DLGAP2: variants seen among roughly 807,000 people sequenced by gnomAD.
DLGAP2 encodes DLG associated protein 2.
DLGAP2 carries 26 observed loss-of-function variants against 100.3 expected under a neutral mutation model. That is an observed-to-expected ratio of 0.26 (90% CI 0.19 to 0.36). The LOEUF (loss-of-function observed/expected upper bound fraction) is 0.36, where lower values mean the gene tolerates loss of function less well. Among genes scored for constraint, DLGAP2 ranks in the 10% least tolerant of loss-of-function variants. DLGAP2 has a pLI of 1.00. For missense variants in DLGAP2, 1,858 were observed against 1,453.2 expected (o/e 1.28, Z -4.53); for synonymous variants, 886 against 630.1 (o/e 1.41, Z -6.08).
chr8:1,556,522 G>C (rs912355178), intron 5 of DLGAP2, among the ~76,000 whole-genome samples: 1 of 152,218 alleles, frequency 6.6e-6, no homozygotes. Flanking sequence ...TTCCCGCTGA[G>C]TCTGTGTCTC....
At chr8:1,471,802 A>G (rs184153683) in intron 3 of DLGAP2, among the ~76,000 whole-genome samples, 32 of 152,254 alleles carry the variant, frequency 2.1e-4, no homozygotes, top group Admixed American at 7.8e-4. Flanking sequence ...TTTGTGGCTA[A>G]AGCTGGGTGA....
chr8:1,034,584 T>A (rs1374193648), intron 2 of DLGAP2, among the ~76,000 whole-genome samples: 1 of 82,152 alleles, frequency 1.2e-5, no homozygotes, highest in Non-Finnish European at 2.4e-5. Context: ...CGACCCCGCG[T>A]GTCACCGCGA....
At chr8:967,990 C>T (rs1028164150) in intron 2 of DLGAP2, among the ~76,000 whole-genome samples, 1 of 150,418 alleles carries the variant, frequency 6.6e-6, no homozygotes, top group Admixed American at 6.6e-5. Context: ...TGTAGCTTCT[C>T]TCCTGATACA....
intron 10 of DLGAP2, among the ~76,000 whole-genome samples, chr8:1,671,426 C>T (rs907742258): frequency 2.0e-5 from 3 of 152,168 alleles, no homozygotes; most frequent in Non-Finnish European, 4.4e-5. Context: ...AATGTCATTC[C>T]TACAAATGAA....
chr8:1,325,276 C>CA, intron 3 of DLGAP2, among the ~76,000 whole-genome samples: 1 of 152,180 alleles, frequency 6.6e-6, no homozygotes, highest in East Asian at 1.9e-4. Flanking sequence ...ATGGTCTCAC[C>CA]AAGCTTTCTT....
chr8:911,294 C>CTGGAGAATCT (rs1339653410), intron 2 of DLGAP2, among the ~76,000 whole-genome samples: 1 of 152,204 alleles, frequency 6.6e-6, no homozygotes, highest in South Asian at 2.1e-4. Flanking sequence ...TGGAAGGATG[C>CTGGAGAATCT]TGGAGAATCT....
intron 2 of DLGAP2, among the ~76,000 whole-genome samples, chr8:1,046,604 C>T (rs1417873198): frequency 2.6e-5 from 4 of 152,214 alleles, no homozygotes; most frequent in East Asian, 1.9e-4. Context: ...ATCCCCATAA[C>T]CCAGATGCTG....
At chr8:1,378,878 G>A (rs567492453) in intron 3 of DLGAP2, among the ~76,000 whole-genome samples, 3 of 152,226 alleles carry the variant, frequency 2.0e-5, no homozygotes, top group East Asian at 1.9e-4. Flanking sequence ...TGTGGTCGGC[G>A]GGTTCAACAC....
intron 2 of DLGAP2, among the ~76,000 whole-genome samples, chr8:997,590 C>G (rs1415538777): frequency 6.6e-6 from 1 of 152,090 alleles, no homozygotes; most frequent in Non-Finnish European, 1.5e-5. Context: ...TAAAATGTAA[C>G]TATTTGATTT....
chr8:1,137,971 A>C (rs1048486976), intron 2 of DLGAP2, among the ~76,000 whole-genome samples: 1 of 151,924 alleles, frequency 6.6e-6, no homozygotes, highest in Non-Finnish European at 1.5e-5. Context: ...TCCTGGCCTC[A>C]AGCAATCCAC....
intron 1 of DLGAP2, among the ~76,000 whole-genome samples, chr8:742,401 A>G (rs1012407591): frequency 1.3e-5 from 2 of 152,252 alleles, no homozygotes; most frequent in South Asian, 4.1e-4. Context: ...AAAAGAAGAA[A>G]AATGGGAATG....
intron 3 of DLGAP2, among the ~76,000 whole-genome samples, chr8:1,444,312 T>C (rs1797921360): frequency 6.6e-6 from 1 of 152,248 alleles, no homozygotes; most frequent in South Asian, 2.1e-4. Flanking sequence ...TCCATATTAA[T>C]GGGCACTTAC....
intron 11 of DLGAP2, among the ~76,000 whole-genome samples, chr8:1,677,431 C>T (rs1008447448): frequency 4.6e-5 from 7 of 152,188 alleles, no homozygotes; most frequent in African/African-American, 1.7e-4. Context: ...ACGTCACTAA[C>T]CAGCTGCATG....
At chr8:1,125,656 C>G (rs1440518630) in intron 2 of DLGAP2, among the ~76,000 whole-genome samples, 2 of 152,150 alleles carry the variant, frequency 1.3e-5, no homozygotes, top group Non-Finnish European at 2.9e-5. Flanking sequence ...CATAAAAATA[C>G]CCATCACAAA....
chr8:874,380 A>G (rs1344013688), intron 1 of DLGAP2, among the ~76,000 whole-genome samples: 1 of 152,068 alleles, frequency 6.6e-6, no homozygotes, highest in Admixed American at 6.5e-5. Flanking sequence ...GCTGCATCTC[A>G]TAAGGTTTGA....
At chr8:1,145,529 T>C (rs1796591259) in intron 2 of DLGAP2, among the ~76,000 whole-genome samples, 1 of 151,608 alleles carries the variant, frequency 6.6e-6, no homozygotes, top group African/African-American at 2.4e-5. Context: ...CTTCCACTTC[T>C]CTCCTCCTGT....
At chr8:1,437,183 C>T (rs1263865598) in intron 3 of DLGAP2, among the ~76,000 whole-genome samples, 3 of 148,720 alleles carry the variant, frequency 2.0e-5, no homozygotes, top group South Asian at 2.2e-4. Flanking sequence ...TGACGCCATC[C>T]GGGTCTGCGT....
At chr8:1,474,608 C>G (rs533785903) in intron 3 of DLGAP2, among the ~76,000 whole-genome samples, 2 of 152,228 alleles carry the variant, frequency 1.3e-5, no homozygotes, top group East Asian at 3.9e-4. Context: ...TACAAGTGGG[C>G]AGAAAACATG....
intron 1 of DLGAP2, among the ~76,000 whole-genome samples, chr8:835,073 A>C (rs531337954): frequency 2.4e-4 from 36 of 152,218 alleles, no homozygotes; most frequent in African/African-American, 7.9e-4. Flanking sequence ...GTGCATGTAC[A>C]TTGGTGTGCA....
Sources: allele counts gnomAD v4.1 joint callset (sites outside exome capture counted in the v4.1 genomes callset), GRCh38; gene constraint gnomAD v4.1.1; transcripts MANE v1.5; gene names NCBI Gene and HGNC (gene_info 2026-07-23, HGNC 2026-07-21).